Variants in GRM5 observed in about 807,000 individuals in gnomAD.
GRM5 encodes metabotropic glutamate receptor 5.
A neutral mutation model predicts 83.1 loss-of-function variants in GRM5; 19 were observed. That is an observed-to-expected ratio of 0.23 (90% confidence interval 0.16 to 0.34). GRM5 has a LOEUF of 0.34. Among genes scored for constraint, GRM5 ranks in the 10% least tolerant of loss-of-function variants. GRM5 has a pLI of 1.00. For synonymous variants in GRM5, 675 were observed against 633.6 expected, an observed-to-expected ratio of 1.07 and a Z score of -0.98; for missense variants, 1,160 against 1,588.3, an observed-to-expected ratio of 0.73 and a Z score of 4.58.
chr11:88,765,359 G>A (rs939205230), intron 3 of GRM5, among the ~76,000 whole-genome samples: 3 of 143,506 alleles, frequency 2.1e-5, no homozygotes, highest in Non-Finnish European at 4.5e-5. Flanking sequence ...AAATTAATAT[G>A]GAATTTCAAG....
chr11:88,876,895 T>G (rs1944863956), intron 2 of GRM5, among the ~76,000 whole-genome samples: 1 of 152,044 alleles, frequency 6.6e-6, no homozygotes, highest in Non-Finnish European at 1.5e-5. Flanking sequence ...AAAAAAAGAA[T>G]GAAATGGTGT....
At chr11:88,596,912 A>C (rs1937824286) in intron 6 of GRM5, among the ~76,000 whole-genome samples, 1 of 152,006 alleles carries the variant, frequency 6.6e-6, no homozygotes, top group Admixed American at 6.6e-5. Flanking sequence ...TCTAACTGTA[A>C]ACTTTATTCC....
At chr11:88,720,592 A>C (rs949521755) in intron 3 of GRM5, among the ~76,000 whole-genome samples, 2 of 152,088 alleles carry the variant, frequency 1.3e-5, no homozygotes, top group Non-Finnish European at 2.9e-5. Flanking sequence ...CACTCAATGC[A>C]GAAAAAAACA....
intron 3 of GRM5, among the ~76,000 whole-genome samples, chr11:88,665,447 C>G (rs1163595140): frequency 6.6e-6 from 1 of 152,066 alleles, no homozygotes; most frequent in Non-Finnish European, 1.5e-5. Flanking sequence ...CATGTTTTTC[C>G]TGGACAAAAT....
At position 89,047,816 on chromosome 11, in the gene GRM5, A is replaced by G. The variant is rs1323109091; in HGVS notation, c.57T>C (p.Ser19=). The G allele has an allele frequency of 6.2e-7, 1 of 1,613,736 alleles. No homozygotes were observed. The highest frequency in any genetic ancestry group is 1.1e-5 in the South Asian group (1 of 91,072). ...CCACCCTCCTCTCACTGGACTGTGCACTCCCACGGACATCTTCTTTCAAAA... is the reference window on the plus strand; with the variant it reads ...CCACCCTCCTCTCACTGGACTGTGCGCTCCCACGGACATCTTCTTTCAAAA... ...VLLLKEDVRG[S]AQSSERRVVA... Residue 19 remains serine (S), a synonymous_variant, in exon 2 of 10, where the codon AGT becomes AGC. Transcript: ENST00000305447. The surrounding 1 kb of genome is among the most constrained non-coding windows in gnomAD (Gnocchi z 5.1).
At chr11:88,654,609 A>G (rs1939720820) in intron 3 of GRM5, among the ~76,000 whole-genome samples, 1 of 152,130 alleles carries the variant, frequency 6.6e-6, no homozygotes. Flanking sequence ...AAAGCAGGAA[A>G]AAGTGTTAGG....
intron 3 of GRM5, among the ~76,000 whole-genome samples, chr11:88,733,253 G>A (rs1173103190): frequency 6.6e-6 from 1 of 151,952 alleles, no homozygotes; most frequent in Non-Finnish European, 1.5e-5. Context: ...AATATCTTGA[G>A]TATAACAGCT....
chr11:88,768,360 A>T (rs535830267), intron 3 of GRM5, among the ~76,000 whole-genome samples: 1 of 152,194 alleles, frequency 6.6e-6, no homozygotes, highest in African/African-American at 2.4e-5. Flanking sequence ...CAAATGATGT[A>T]TAATTCCATT....
At chr11:88,986,251 T>C (rs1488838938) in intron 2 of GRM5, among the ~76,000 whole-genome samples, 1 of 152,164 alleles carries the variant, frequency 6.6e-6, no homozygotes, top group Non-Finnish European at 1.5e-5. Context: ...CCAAAGGTCA[T>C]ATATTGTATG....
intron 8 of GRM5, among the ~76,000 whole-genome samples, chr11:88,535,451 C>A (rs1421386726): frequency 6.6e-6 from 1 of 152,186 alleles, no homozygotes; most frequent in African/African-American, 2.4e-5. Context: ...GCTAAGCCAA[C>A]ATTTCAAAAA....
At chr11:88,696,072 G>A (rs1467246335) in intron 3 of GRM5, among the ~76,000 whole-genome samples, 3 of 152,174 alleles carry the variant, frequency 2.0e-5, no homozygotes, top group South Asian at 2.1e-4. Context: ...ACTTGGGCTT[G>A]GAGGATAGAT....
chr11:89,050,345 T>A (rs999685142), intron 1 of GRM5, among the ~76,000 whole-genome samples: 12 of 152,190 alleles, frequency 7.9e-5, no homozygotes, highest in Non-Finnish European at 1.5e-5. Flanking sequence ...TTAACAAATA[T>A]TTATGGTATG....
In GRM5 at chr11:88,510,459, C is replaced by T. The variant is rs568004990; in HGVS notation, c.2727-955G>A. Among the ~76,000 whole-genome samples the T allele has an allele frequency of 1.3e-3, 200 of 152,282 alleles. 1 individual carries two copies. The highest frequency in any genetic ancestry group is 1.4e-3 in the Non-Finnish European group (94 of 68,042). ...ACACAATAGCTTCTGAAGCTGCAGA[C>T]GTTCTTTCAGAAACTTTACAAAGGT... On this transcript the variant is annotated intron_variant, in intron 9 of 9. Coordinates refer to ENST00000305447, the MANE Select transcript of GRM5 (RefSeq NM_001143831.3).
intron 2 of GRM5, among the ~76,000 whole-genome samples, chr11:89,041,907 C>T (rs1941543213): frequency 6.6e-6 from 1 of 152,044 alleles, no homozygotes; most frequent in Non-Finnish European, 1.5e-5. Context: ...TTCTGGGGAT[C>T]TCATGTTTTC....
intron 4 of GRM5, among the ~76,000 whole-genome samples, chr11:88,623,735 G>T (rs941681567): frequency 6.6e-6 from 1 of 152,126 alleles, no homozygotes; most frequent in Non-Finnish European, 1.5e-5. Flanking sequence ...TCAAGTTCAC[G>T]ATAGGGTGCA....
At chr11:88,745,726 T>TGG (rs2135421400) in intron 3 of GRM5, among the ~76,000 whole-genome samples, 1 of 152,326 alleles carries the variant, frequency 6.6e-6, no homozygotes, top group African/African-American at 2.4e-5. Flanking sequence ...CACAGATTGT[T>TGG]GGCAGAGAAA....
chr11:88,668,019 C>T (rs919526630), intron 3 of GRM5, among the ~76,000 whole-genome samples: 4 of 151,796 alleles, frequency 2.6e-5, no homozygotes, highest in Non-Finnish European at 5.9e-5. Context: ...AAGTTATACA[C>T]TAAAAAGTAA....
At chr11:88,653,716 TATC>T (rs1162295162) in intron 3 of GRM5, among the ~76,000 whole-genome samples, 1 of 152,048 alleles carries the variant, frequency 6.6e-6, no homozygotes, top group Non-Finnish European at 1.5e-5. Context: ...AGCTGCATAA[TATC>T]ATCATTCACA....
At chr11:89,048,694 G>A (rs1235666088) in intron 1 of GRM5, among the ~76,000 whole-genome samples, 2 of 152,148 alleles carry the variant, frequency 1.3e-5, no homozygotes, top group African/African-American at 2.4e-5. Context: ...AATGAAGAAA[G>A]GTGGGTGTTT....
Sources: gnomAD v4.1 joint callset for allele counts (sites outside exome capture counted in the v4.1 genomes callset) on GRCh38, gnomAD v4.1.1 for gene constraint, Gnocchi (gnomAD v3.1) non-coding constraint, MANE v1.5 for transcripts, NCBI Gene and HGNC (gene_info 2026-07-23, HGNC 2026-07-21) for gene names.